The following NBPF15 variants were observed in gnomAD, a reference collection of about 807,000 sequenced individuals.
NBPF15 encodes NBPF member 15, also known as NBPF family member NBPF15.
A neutral mutation model predicts 62.2 loss-of-function variants in NBPF15; 74 were observed. The observed-to-expected ratio is 1.19, with a 90% CI of 0.99 to 1.44. The LOEUF is 1.44. NBPF15 is among the 40% of genes most tolerant of loss of function. NBPF15 has a pLI of 0.00. For missense variants in NBPF15, 790 were observed against 550.0 expected, an observed-to-expected ratio of 1.44 and a Z score of -4.36; for synonymous variants, 244 against 209.7, an observed-to-expected ratio of 1.16 and a Z score of -1.41.
chr1:144,458,732 C>T (rs1411698652), intron 3 of NBPF15, among the ~76,000 whole-genome samples: 3 of 151,996 alleles, frequency 2.0e-5, no homozygotes, highest in African/African-American at 7.3e-5. Context: ...CAAGCAGACA[C>T]ATCCATGTAG....
rs1172987598 is a variant in NBPF15, at chr1:144,423,911, C to A, written c.1728G>T (p.Arg576Ser). 5.0e-6 allele frequency: 4 copies of A among 795,284 alleles called. No individual in the cohort carries two copies. Among genetic ancestry groups the A allele is most frequent in the Non-Finnish European group, 9.0e-6 (4 of 445,576 alleles). 49.3% of individuals were successfully genotyped at this position (795,284 alleles called of 1,614,324 possible). A position where few individuals can be genotyped will look rare whatever the true frequency, so the allele number is the denominator to read the frequency against. Residue 576 changes from arginine to serine, a missense_variant, in exon 21 of 22, where the codon AGG (arginine) becomes AGT (serine). By Grantham distance (110) the Arg-to-Ser change is moderately radical (BLOSUM62 -1). Coordinates refer to ENST00000581897, the MANE Select transcript of NBPF15 (RefSeq NM_001385408.1). The stretch of plus-strand genomic sequence containing the variant: ...TGTCATCTTCCCCTTCTTTTCTTCC[C>A]CTTCTTCTTTTCTTCTTTGATCTTC... Reference protein sequence around the residue: ...RGRRSKKKRRRGRKEGEDDNP... With the variant: ...RGRRSKKKRRSGRKEGEDDNP...
chr1:144,423,797 A>G (rs111507951), intron 21 of NBPF15, 73 bp downstream of exon 21: 30 of 736,170 alleles, frequency 4.1e-5, no homozygotes, highest in African/African-American at 3.8e-4. Flanking sequence ...CATCAAACAC[A>G]CTCTGGTTTC....
At chr1:144,423,652 GC>G (rs1336642295) in intron 21 of NBPF15, among the ~76,000 whole-genome samples, 2 of 152,162 alleles carry the variant, frequency 1.3e-5, no homozygotes, top group Non-Finnish European at 2.9e-5. Flanking sequence ...TCAGAGTACA[GC>G]TTTTGAAGTA....
chr1:144,427,288 T>C lies in NBPF15; in HGVS notation c.1214-190A>G, dbSNP rs1479139937. ...TCCTTGGTTTTTGTCCCAGAAACTG[T>C]GGGTAAAATTCCCTATTCTGGTAGA... On this transcript the variant is annotated intron_variant, in intron 16 of 21. Transcript: ENST00000581897. Among the ~76,000 whole-genome samples, 77 of 141,756 alleles carry C rather than the reference T, an allele frequency of 5.4e-4. 2 individuals are homozygous for C. The highest frequency in any genetic ancestry group is 2.0e-3 in the African/African-American group (74 of 37,124). The allele number at this position is 141,756 out of a possible 152,430, so 93.0% of individuals were successfully genotyped here.
chr1:144,439,974 G>A lies in NBPF15; in HGVS notation c.30C>T (p.Ser10=), dbSNP rs1241115152. ...CTAGAATGTTCATCTCTGCCTTCTCGCTGGACAAAGGGCCGGCTGATACCA... is the reference window on the plus strand; with the variant it reads ...CTAGAATGTTCATCTCTGCCTTCTCACTGGACAAAGGGCCGGCTGATACCA... MVVSAGPLS[S]EKAEMNILEI... is the part of the protein sequence containing the mutation. The change falls in exon 8 of 22, where the codon AGC becomes AGT. Residue 10 remains serine, a synonymous_variant. Coordinates refer to ENST00000581897, the MANE Select transcript of NBPF15 (RefSeq NM_001385408.1). 1.0e-4 allele frequency: 163 copies of A among 1,610,334 alleles called. 2 individuals carry two copies. In the Middle Eastern group the frequency reaches 5.5e-3, roughly 54 times the overall value.
chr1:144,428,019 A>G lies in NBPF15; in HGVS notation c.1041-29T>C. ...GAAAAGTGGGAAAAAGTAAAGAATA[A>G]GCCAGGGGGAATCAGAAACCACACA... On this transcript the variant is annotated intron_variant, in intron 15 of 21. Transcript: ENST00000581897. 1.0e-5 allele frequency: 8 copies of G among 762,380 alleles called. 1 individual carries two copies. Among genetic ancestry groups the G allele is most frequent in the Non-Finnish European group, 1.7e-5 (7 of 410,278 alleles). 47.2% of individuals were successfully genotyped at this position (762,380 alleles called of 1,614,324 possible). A position where few individuals can be genotyped will look rare whatever the true frequency, so the allele number is the denominator to read the frequency against.
chr1:144,428,506 A>G (rs879976416), intron 15 of NBPF15, 100 bp downstream of exon 15: 2 of 807,368 alleles, frequency 2.5e-6, no homozygotes, highest in Non-Finnish European at 4.3e-6. Context: ...GACTTGTCTG[A>G]CAAGACAAAA....
intron 13 of NBPF15, among the ~76,000 whole-genome samples, chr1:144,430,423 C>A (rs1321402948): frequency 1.3e-5 from 2 of 150,656 alleles, no homozygotes; most frequent in East Asian, 2.0e-4. Context: ...CCAAGAAATC[C>A]CTGTTTGAGG....
At chr1:144,424,197 A>T (rs1369225990) in intron 20 of NBPF15, among the ~76,000 whole-genome samples, 1 of 152,052 alleles carries the variant, frequency 6.6e-6, no homozygotes, top group Admixed American at 6.6e-5. Flanking sequence ...GTAGATCGTT[A>T]TCCCAATAAC....
At chr1:144,433,200 T>C (rs1411431576) in intron 13 of NBPF15, among the ~76,000 whole-genome samples, 4 of 152,030 alleles carry the variant, frequency 2.6e-5, no homozygotes, top group Non-Finnish European at 4.4e-5. Flanking sequence ...CCTGAATGAC[T>C]ACTGGGAAAA....
chr1:144,448,334 A>G (rs1221527045), intron 6 of NBPF15, among the ~76,000 whole-genome samples: 1 of 151,984 alleles, frequency 6.6e-6, no homozygotes, highest in Non-Finnish European at 1.5e-5. Flanking sequence ...ACCTTTGTCT[A>G]CTGTGTCCAG....
At chr1:144,428,839 C>T (rs1409414355) in intron 14 of NBPF15, among the ~76,000 whole-genome samples, 182 bp from the exon 15 acceptor site, 1 of 151,946 alleles carries the variant, frequency 6.6e-6, no homozygotes, top group African/African-American at 2.4e-5. Context: ...TGGGTTCTTT[C>T]ATGAGCCTTG....
intron 4 of NBPF15, among the ~76,000 whole-genome samples, chr1:144,452,345 A>G (rs1287467054): frequency 6.6e-6 from 1 of 151,980 alleles, no homozygotes; most frequent in African/African-American, 2.4e-5. Flanking sequence ...CAGGACTACT[A>G]TTATGTTCCC....
chr1:144,455,327 G>T (rs1486280113), intron 4 of NBPF15, among the ~76,000 whole-genome samples: 2 of 151,962 alleles, frequency 1.3e-5, no homozygotes, highest in Admixed American at 6.6e-5. Flanking sequence ...TTTACATGAA[G>T]ATGAGAACAT....
chr1:144,441,860 G>A (rs1222907722), intron 6 of NBPF15, among the ~76,000 whole-genome samples: 2 of 149,154 alleles, frequency 1.3e-5, no homozygotes, highest in Non-Finnish European at 3.0e-5. Context: ...TTACTTAAAA[G>A]TCTTTCATTT....
At chr1:144,458,318 C>T (rs1166697144) in intron 3 of NBPF15, among the ~76,000 whole-genome samples, 1 of 151,876 alleles carries the variant, frequency 6.6e-6, no homozygotes, top group Non-Finnish European at 1.5e-5. Context: ...AGAGTCAAGA[C>T]TGTAGCTCTG....
chr1:144,424,566 T>G, intron 20 of NBPF15, 124 bp downstream of exon 20: 1 of 638,128 alleles, frequency 1.6e-6, no homozygotes, highest in Non-Finnish European at 2.8e-6. Context: ...AACCTACATG[T>G]GCCTATAGGT....
At chr1:144,440,563 T>C (rs1433160681) in intron 6 of NBPF15, 3 of 254,888 alleles carry the variant, frequency 1.2e-5, no homozygotes, top group African/African-American at 2.2e-5. Context: ...AGAAACAGTT[T>C]CCCAACAGGT....
At position 144,427,920 on chromosome 1, in the gene NBPF15, T is replaced by A. The variant is rs1298278280; in HGVS notation, c.1111A>T (p.Thr371Ser). ...LQDSLDRCYSTPSGCLELTDS... is the reference protein window; with the variant it reads ...LQDSLDRCYSSPSGCLELTDS... ...GTCAGTTCAAGACAACCTGAAGGAG[T>A]TGAATAACATCTATCCAGTGAGTCC... The change falls in exon 16 of 22, where the codon ACT becomes TCT. Residue 371 changes from threonine (T) to serine (S), a missense_variant. Coordinates refer to ENST00000581897, the MANE Select transcript of NBPF15 (RefSeq NM_001385408.1). 2.7e-6 allele frequency: 2 copies of A among 730,058 alleles called. No individual in the cohort carries two copies. Among genetic ancestry groups the A allele is most frequent in the Non-Finnish European group, 5.0e-6 (2 of 397,144 alleles). 45.2% of individuals were successfully genotyped at this position (730,058 alleles called of 1,614,324 possible). A position where few individuals can be genotyped will look rare whatever the true frequency, so the allele number is the denominator to read the frequency against.
Sources: gnomAD v4.1 joint callset for allele counts (sites outside exome capture counted in the v4.1 genomes callset) on GRCh38, gnomAD v4.1.1 for gene constraint, MANE v1.5 for transcripts, NCBI Gene and HGNC (gene_info 2026-07-23, HGNC 2026-07-21) for gene names.